DCHS2: variants seen among roughly 807,000 people sequenced by gnomAD.
The protein encoded by DCHS2 is protocadherin-23.
In DCHS2, 142 loss-of-function variants were observed where a neutral mutation model predicts 182.4. The observed-to-expected ratio is 0.78, with a 90% CI of 0.68 to 0.89. The LOEUF (loss-of-function observed/expected upper bound fraction) is 0.89, where lower values mean the gene tolerates loss of function less well. Among genes scored for constraint, DCHS2 ranks in the 40% least tolerant of loss-of-function variants. DCHS2 has a pLI of 0.00. For synonymous variants in DCHS2, 1,740 were observed against 1,663.3 expected, an observed-to-expected ratio of 1.05 and a Z score of -1.12; for missense variants, 4,319 against 4,198.6, an observed-to-expected ratio of 1.03 and a Z score of -0.79.
At chr4:154,311,748 T>A (rs1279734839) in intron 10 of DCHS2, among the ~76,000 whole-genome samples, 1 of 152,176 alleles carries the variant, frequency 6.6e-6, no homozygotes, top group Non-Finnish European at 1.5e-5. Flanking sequence ...CTATGTCATA[T>A]CTTGCACTAC....
chr4:154,360,986 A>G (rs558540040), intron 3 of DCHS2, among the ~76,000 whole-genome samples: 2 of 152,202 alleles, frequency 1.3e-5, no homozygotes, highest in Non-Finnish European at 2.9e-5. Flanking sequence ...AAACACCTAG[A>G]ACACGGCCTG....
At position 154,310,154 on chromosome 4, in the gene DCHS2, C is replaced by T. The variant is rs59427289; in HGVS notation, c.5261-4923G>A. Among the ~76,000 whole-genome samples, 907 of 152,260 alleles carry T rather than the reference C, an allele frequency of 6.0e-3. 8 individuals are homozygous for T. The highest frequency in any genetic ancestry group is 0.021 in the African/African-American group (858 of 41,552). ...TAGCCAAGTGCAAATCTGACTCAGTCAAAGAAGCTTATAGTTTCAAAGAAT... is the reference window on the plus strand; with the variant it reads ...TAGCCAAGTGCAAATCTGACTCAGTTAAAGAAGCTTATAGTTTCAAAGAAT... On this transcript the variant is annotated intron_variant, in intron 10 of 19. Transcript: ENST00000357232.
chr4:154,386,095 A>C (rs1362823110), intron 1 of DCHS2, among the ~76,000 whole-genome samples: 2 of 152,128 alleles, frequency 1.3e-5, no homozygotes. Context: ...AGTGAACGAT[A>C]CTACCATTCA....
intron 1 of DCHS2, among the ~76,000 whole-genome samples, chr4:154,478,405 G>C (rs1460833238): frequency 1.3e-5 from 2 of 152,174 alleles, no homozygotes; most frequent in Non-Finnish European, 2.9e-5. Context: ...ACCTTCTAGG[G>C]GTGAGTAAAA....
intron 1 of DCHS2, among the ~76,000 whole-genome samples, chr4:154,398,173 A>G (rs1399277578): frequency 2.6e-5 from 4 of 152,204 alleles, no homozygotes; most frequent in East Asian, 1.9e-4. Flanking sequence ...GCCTTACACT[A>G]TGATCAATGG....
At chr4:154,332,363 G>A (rs1316733440) in intron 5 of DCHS2, 115 bp downstream of exon 5, 1 of 934,404 alleles carries the variant, frequency 1.1e-6, no homozygotes, top group African/African-American at 1.7e-5. Flanking sequence ...CTAACGACTT[G>A]AGTTTTCTCA....
rs370626441 is a variant in DCHS2 at position 154,332,796 on chromosome 4, A to C, written c.3412T>G (p.Tyr1138Asp). 14 of 1,614,110 alleles carry C rather than the reference A, an allele frequency of 8.7e-6. No homozygotes were observed. In the East Asian group the frequency reaches 3.1e-4, roughly 36 times the overall value. The change falls in exon 5 of 20, where the codon TAC becomes GAC. Residue 1138 changes from tyrosine (Y) to aspartate (D), a missense_variant. Transcript: ENST00000357232. ...CGCCGCAAATAAATCCAGCCCGTGT[A>C]AGGGCGGATTCCAAACATAGCAGAG... ...VDSAMFGIRP[Y>D]TGWIYLRRQF...
intron 12 of DCHS2, 164 bp from the exon 13 acceptor site, chr4:154,298,872 G>A (rs1735084624): frequency 1.2e-5 from 13 of 1,055,232 alleles, no homozygotes; most frequent in African/African-American, 1.6e-5. Context: ...CAGTAAGCAT[G>A]ATAAAGGCTC....
In DCHS2 at chr4:154,235,150, C is replaced by A; in HGVS notation, c.9502G>T (p.Asp3168Tyr). 1 of 1,614,068 alleles carries A rather than the reference C, an allele frequency of 6.2e-7. No individual in the cohort carries two copies. The highest frequency in any genetic ancestry group is 8.5e-7 in the Non-Finnish European group (1 of 1,179,970). The change falls in exon 20 of 20, where the codon GAT (aspartate) becomes TAT (tyrosine). Residue 3168 changes from aspartate (D) to tyrosine (Y), a missense_variant. Physicochemically the swap from Asp to Tyr is radical, Grantham distance 160. Coordinates refer to ENST00000357232, the MANE Select transcript of DCHS2 (RefSeq NM_001358235.2). ...GTGGTGCTGCAGCCTTCCCCTTGAT[C>A]TCCTTCCCCAAATGTTTGGCTGGCT... ...AEASQTFGEGDQGEGCSTTCA... is the reference protein window; with the variant it reads ...AEASQTFGEGYQGEGCSTTCA...
At chr4:154,374,015 A>AC in intron 2 of DCHS2, 1 of 1,466,038 alleles carries the variant, frequency 6.8e-7, no homozygotes, top group Non-Finnish European at 9.3e-7. Context: ...AAAAAAAAAA[A>AC]AAAAAAAAAA....
intron 1 of DCHS2, among the ~76,000 whole-genome samples, chr4:154,385,798 C>T (rs1731387333): frequency 1.3e-5 from 2 of 152,204 alleles, no homozygotes; most frequent in South Asian, 4.1e-4. Context: ...AGCCCAATTT[C>T]TGCTGTTTTA....
intron 1 of DCHS2, among the ~76,000 whole-genome samples, chr4:154,416,579 C>T (rs1732841269): frequency 6.6e-6 from 1 of 152,204 alleles, no homozygotes; most frequent in South Asian, 2.1e-4. Context: ...CCGGACATTT[C>T]TGACATCTCA....
intron 5 of DCHS2, chr4:154,331,455 C>T: frequency 9.9e-7 from 1 of 1,011,610 alleles, no homozygotes; most frequent in South Asian, 1.8e-5. Flanking sequence ...TCCCATATAG[C>T]TGTATGGTTT....
At chr4:154,331,028 G>A (rs1443158444) in intron 5 of DCHS2, among the ~76,000 whole-genome samples, 1 of 152,122 alleles carries the variant, frequency 6.6e-6, no homozygotes, top group African/African-American at 2.4e-5. Context: ...TTCCACAGGA[G>A]CTCAAGTCCT....
intron 1 of DCHS2, among the ~76,000 whole-genome samples, chr4:154,379,996 G>A (rs564575391): frequency 6.6e-6 from 1 of 152,100 alleles, no homozygotes; most frequent in East Asian, 1.9e-4. Context: ...CATTTAATGG[G>A]TTAATTTAAT....
At chr4:154,369,705 T>G (rs1730550633) in intron 2 of DCHS2, among the ~76,000 whole-genome samples, 1 of 152,168 alleles carries the variant, frequency 6.6e-6, no homozygotes, top group African/African-American at 2.4e-5. Flanking sequence ...ATTCCATGCA[T>G]GAGTATGTCT....
chr4:154,402,712 T>A (rs538638297), intron 1 of DCHS2, among the ~76,000 whole-genome samples: 1 of 152,170 alleles, frequency 6.6e-6, no homozygotes, highest in Non-Finnish European at 1.5e-5. Flanking sequence ...CTAGAATAAG[T>A]TAAGACTTTG....
chr4:154,321,870 T>G (rs1170965035), intron 8 of DCHS2, among the ~76,000 whole-genome samples: 1 of 152,128 alleles, frequency 6.6e-6, no homozygotes, highest in Non-Finnish European at 1.5e-5. Flanking sequence ...TCTCACAACT[T>G]GTTTGCCCAT....
In DCHS2 at chr4:154,490,824, C is replaced by T. The variant is rs1311246649; in HGVS notation, c.532G>A (p.Glu178Lys). 1.3e-6 allele frequency: 2 copies of T among 1,551,566 alleles called. No individual in the cohort carries two copies. Among genetic ancestry groups the T allele is most frequent in the Non-Finnish European group, 1.7e-6 (2 of 1,146,944 alleles). Reference protein sequence around the residue: ...PLDSLQLDVSELSPPGTAFRL... With the variant: ...PLDSLQLDVSKLSPPGTAFRL... Reference sequence around the variant, plus strand: ...AAGGCGGTCCCTGGCGGGCTGAGCTCGGAGACGTCGAGTTGCAGGGAGTCG... The same window carrying T: ...AAGGCGGTCCCTGGCGGGCTGAGCTTGGAGACGTCGAGTTGCAGGGAGTCG... Residue 178 changes from glutamate to lysine, a missense_variant, in exon 1 of 20, where the codon GAG becomes AAG. Transcript: ENST00000357232.
Sources: gnomAD v4.1 joint callset for allele counts (sites outside exome capture counted in the v4.1 genomes callset) on GRCh38, gnomAD v4.1.1 for gene constraint, MANE v1.5 for transcripts, NCBI Gene and HGNC (gene_info 2026-07-23, HGNC 2026-07-21) for gene names.